Variants in FBXL7 observed in about 807,000 individuals in gnomAD.
FBXL7 encodes the protein F-box/LRR-repeat protein 7.
Under a neutral mutation model 38.3 loss-of-function variants are expected in FBXL7, and 12 were observed. That is an observed-to-expected ratio of 0.31 (90% CI 0.20 to 0.51). The LOEUF is 0.51. Ranked by LOEUF, FBXL7 falls within the 20% of genes least tolerant of loss-of-function variation. The probability of loss-of-function intolerance (pLI) is 0.98; values close to 1 mark genes in which losing one functional copy is unlikely to be tolerated. For missense variants in FBXL7, 567 were observed against 676.4 expected, an observed-to-expected ratio of 0.84 and a Z score of 1.79; for synonymous variants, 297 against 300.9, an observed-to-expected ratio of 0.99 and a Z score of 0.13.
rs1025860775 is a variant in FBXL7 at position 15,714,884 on chromosome 5, G to A, written c.127+98812G>A. ...AAAAAAAAAAAGAGGCAGGAGTGTC[G>A]GAATCATAGAAGACATCCTGATGAC... is the stretch of plus-strand genomic sequence containing the variant. On this transcript the variant is annotated intron_variant, in intron 2 of 3. Coordinates refer to ENST00000504595, the MANE Select transcript of FBXL7 (RefSeq NM_012304.5). Among the ~76,000 whole-genome samples the A allele has an allele frequency of 5.3e-5, 8 of 150,260 alleles. No homozygotes were observed. In the South Asian group the frequency reaches 1.0e-3, roughly 20 times the overall value.
intron 1 of FBXL7, among the ~76,000 whole-genome samples, chr5:15,584,638 C>G (rs1157283247): frequency 1.3e-5 from 2 of 152,194 alleles, no homozygotes; most frequent in Admixed American, 6.5e-5. Flanking sequence ...CTTTCTCTTT[C>G]TGGGCTCTCC....
rs764873895 is a variant in FBXL7 at position 15,936,841 on chromosome 5, G to A, written c.1131G>A (p.Lys377=). 5.0e-6 allele frequency: 8 copies of A among 1,613,730 alleles called. No homozygotes were observed. In the East Asian group the frequency reaches 1.6e-4, roughly 31 times the overall value. The part of the protein sequence containing the change: ...GIRYVAKYCS[K]LRYLNARGCE... ...GCTACGTGGCCAAGTACTGCAGCAA[G>A]CTGCGCTACCTCAACGCGAGGGGCT... Residue 377 remains lysine (K), a synonymous_variant, in exon 4 of 4, where the codon AAG becomes AAA. Coordinates refer to ENST00000504595, the MANE Select transcript of FBXL7 (RefSeq NM_012304.5). This position sits in a 1 kb window ranked among gnomAD's most constrained non-coding sequence, Gnocchi z 6.0.
In FBXL7 at chr5:15,746,645, G is replaced by A. The variant is rs191257378; in HGVS notation, c.127+130573G>A. Among the ~76,000 whole-genome samples, 39 of 152,108 alleles carry A rather than the reference G, an allele frequency of 2.6e-4. No homozygotes were observed. In the East Asian group the frequency reaches 7.0e-3, roughly 27 times the overall value. On this transcript the variant is annotated intron_variant, in intron 2 of 3. Coordinates refer to ENST00000504595, the MANE Select transcript of FBXL7 (RefSeq NM_012304.5). ...CCCACTGCCTAAAGCCATTGCATTGGAGATCAGGTCTCAACGTACAAATTT... is the reference window on the plus strand; with the variant it reads ...CCCACTGCCTAAAGCCATTGCATTGAAGATCAGGTCTCAACGTACAAATTT...
intron 2 of FBXL7, among the ~76,000 whole-genome samples, chr5:15,737,459 AAAG>A (rs1735785551): frequency 6.6e-6 from 1 of 152,220 alleles, no homozygotes. Context: ...TTGAAATTAA[AAAG>A]AAGTAAACCG....
chr5:15,712,493 C>T (rs12516275), intron 2 of FBXL7, among the ~76,000 whole-genome samples: 8,064 of 152,082 alleles, frequency 0.053, 233 homozygotes, highest in East Asian at 0.085. Context: ...CTTTCACTGT[C>T]ATTAACTATA....
chr5:15,829,574 G>A (rs1164119775), intron 2 of FBXL7, among the ~76,000 whole-genome samples: 2 of 152,012 alleles, frequency 1.3e-5, no homozygotes, highest in African/African-American at 2.4e-5. Context: ...CTAATGTTGG[G>A]AGTTCCAAGT....
intron 1 of FBXL7, among the ~76,000 whole-genome samples, chr5:15,595,808 A>AT (rs1423560530): frequency 6.6e-6 from 1 of 152,144 alleles, no homozygotes; most frequent in African/African-American, 2.4e-5. Context: ...ATCTAAGGAG[A>AT]TGATGTGGTG....
chr5:15,525,439 A>G (rs562922179), intron 1 of FBXL7, among the ~76,000 whole-genome samples: 70 of 152,144 alleles, frequency 4.6e-4, no homozygotes, highest in Non-Finnish European at 7.8e-4. Flanking sequence ...CTTCTCTAGG[A>G]TGTCTTGGTC....
chr5:15,508,821 ATATT>A (rs1208397821), intron 1 of FBXL7, among the ~76,000 whole-genome samples: 13 of 152,158 alleles, frequency 8.5e-5, no homozygotes, highest in Non-Finnish European at 1.5e-4. Context: ...CTATCTAAAT[ATATT>A]TAGATATTAA....
At chr5:15,784,576 G>A (rs1415913728) in intron 2 of FBXL7, among the ~76,000 whole-genome samples, 2 of 152,038 alleles carry the variant, frequency 1.3e-5, no homozygotes, top group Non-Finnish European at 2.9e-5. Flanking sequence ...GTCGGGGGGC[G>A]GGGATCCCTC....
chr5:15,936,655 C>T lies in FBXL7; in HGVS notation c.945C>T (p.Gly315=), dbSNP rs781312166. The change falls in exon 4 of 4, where the codon GGC becomes GGT. Residue 315 remains glycine (G), a synonymous_variant. Transcript: ENST00000504595. This position sits in a 1 kb window ranked among gnomAD's most constrained non-coding sequence, Gnocchi z 6.0. ...GCTGCGTCCGCCTGACCGACGAAGG[C>T]CTGCGCTACCTGGTGATCTACTGCG... The part of the protein sequence containing the change: ...LRRCVRLTDE[G]LRYLVIYCAS... The T allele has an allele frequency of 6.2e-7, 1 of 1,608,416 alleles. No individual in the cohort carries two copies. Among genetic ancestry groups the T allele is most frequent in the East Asian group, 2.2e-5 (1 of 44,868 alleles).
At chr5:15,602,374 A>T (rs1418027499) in intron 1 of FBXL7, 1 of 136,242 alleles carries the variant, frequency 7.3e-6, no homozygotes, top group Non-Finnish European at 1.7e-5. Context: ...TAAGGAGGGG[A>T]TAGTGCTTAT....
At chr5:15,603,105 G>A (rs935546187) in intron 1 of FBXL7, among the ~76,000 whole-genome samples, 1 of 152,190 alleles carries the variant, frequency 6.6e-6, no homozygotes, top group Non-Finnish European at 1.5e-5. Flanking sequence ...CTCCCAAAGT[G>A]TTGAGATTAC....
intron 1 of FBXL7, among the ~76,000 whole-genome samples, chr5:15,540,046 A>AG (rs1440261463): frequency 2.5e-3 from 387 of 152,248 alleles, no homozygotes; most frequent in Admixed American, 7.4e-3. Flanking sequence ...CTGGAGTAGG[A>AG]TATAGGACAG....
At chr5:15,858,946 T>G (rs1334896468) in intron 2 of FBXL7, among the ~76,000 whole-genome samples, 1 of 152,198 alleles carries the variant, frequency 6.6e-6, no homozygotes, top group Non-Finnish European at 1.5e-5. Context: ...CTTATATAAC[T>G]TAACCAGTAT....
intron 2 of FBXL7, among the ~76,000 whole-genome samples, chr5:15,650,030 C>T (rs574350248): frequency 5.9e-5 from 9 of 152,210 alleles, no homozygotes; most frequent in South Asian, 2.1e-4. Context: ...GTAATAGAGC[C>T]GCACTAAAAG....
At chr5:15,582,589 A>G (rs979222164) in intron 1 of FBXL7, among the ~76,000 whole-genome samples, 1 of 152,200 alleles carries the variant, frequency 6.6e-6, no homozygotes, top group East Asian at 1.9e-4. Context: ...TACTTGACCA[A>G]TTCCATGTTA....
intron 2 of FBXL7, among the ~76,000 whole-genome samples, chr5:15,729,182 A>C (rs940070944): frequency 5.9e-5 from 9 of 152,148 alleles, no homozygotes; most frequent in African/African-American, 9.6e-5. Context: ...AAGGATGACA[A>C]ACATTTTTGT....
intron 1 of FBXL7, among the ~76,000 whole-genome samples, chr5:15,578,230 T>C (rs1281868936): frequency 6.6e-6 from 1 of 152,134 alleles, no homozygotes; most frequent in Non-Finnish European, 1.5e-5. Context: ...AACAATCTTA[T>C]ACAAAAGAGA....
Sources: allele counts gnomAD v4.1 joint callset (sites outside exome capture counted in the v4.1 genomes callset), GRCh38; gene constraint gnomAD v4.1.1; non-coding constraint Gnocchi (gnomAD v3.1); transcripts MANE v1.5; gene names NCBI Gene and HGNC (gene_info 2026-07-23, HGNC 2026-07-21).